The following TMX3 variants were observed in gnomAD, a reference collection of about 807,000 sequenced individuals.
The protein encoded by TMX3 is thioredoxin related transmembrane protein 3, also known as protein disulfide-isomerase TMX3.
A neutral mutation model predicts 64.4 loss-of-function variants in TMX3; 40 were observed. The observed-to-expected ratio is 0.62, with a 90% CI of 0.48 to 0.81. TMX3 has a LOEUF of 0.81. TMX3 is among the 30% of genes least tolerant of loss of function. The pLI, the probability that TMX3 is intolerant of heterozygous loss-of-function variation, is 0.00. For missense variants in TMX3, 497 were observed against 534.5 expected (o/e 0.93, Z 0.69); for synonymous variants, 189 against 175.7 (o/e 1.08, Z -0.60).
At chr18:68,702,240 A>C (rs1030166427) in intron 4 of TMX3, among the ~76,000 whole-genome samples, 10 of 150,296 alleles carry the variant, frequency 6.7e-5, no homozygotes, top group African/African-American at 2.4e-4. Context: ...GTTTTCAAAT[A>C]ACTGCAGTGT....
chr18:68,694,399 C>T (rs1170859588), intron 8 of TMX3, among the ~76,000 whole-genome samples: 1 of 152,230 alleles, frequency 6.6e-6, no homozygotes, highest in African/African-American at 2.4e-5. Context: ...GGTCCAGCCG[C>T]AGCCTCACAT....
chr18:68,701,620 C>G (rs1343215850), intron 5 of TMX3, 125 bp downstream of exon 5: 1 of 1,535,860 alleles, frequency 6.5e-7, no homozygotes, highest in East Asian at 2.5e-5. Context: ...ACATACTTCA[C>G]CTATGAAGAA....
intron 1 of TMX3, chr18:68,714,361 A>C (rs2031666803): frequency 6.4e-6 from 1 of 155,520 alleles, no homozygotes; most frequent in Admixed American, 6.4e-5. Flanking sequence ...ATTACACGGC[A>C]GTGCCTGACA....
At chr18:68,700,971 T>A (rs1318176691) in intron 5 of TMX3, 1 of 985,080 alleles carries the variant, frequency 1.0e-6, no homozygotes, top group Admixed American at 6.2e-5. Flanking sequence ...ACGTACATAA[T>A]TCTTCAAAAG....
chr18:68,687,495 T>TATATC (rs1413021473), intron 10 of TMX3, 172 bp downstream of exon 10: 1 of 985,220 alleles, frequency 1.0e-6, no homozygotes, highest in African/African-American at 1.7e-5. Flanking sequence ...CATGCAAAGG[T>TATATC]ATATCTTCTG....
chr18:68,707,432 C>T (rs1169324954), intron 4 of TMX3, among the ~76,000 whole-genome samples: 1 of 152,110 alleles, frequency 6.6e-6, no homozygotes, highest in Non-Finnish European at 1.5e-5. Context: ...CTATGTTTTT[C>T]CCTAATCATA....
Position 68,697,950 on chromosome 18 carries a change from A to G in TMX3, c.474T>C (p.Gly158=), listed in dbSNP as rs1915267613. ...KRHRVFFVYV[G]GESPLKEKYI... is the part of the protein sequence containing the mutation. ...GTCTTACTTTCAAAGGTGATTCTCCACCTACATAAACGAAAAATACACGGT... is the reference window on the plus strand; with the variant it reads ...GTCTTACTTTCAAAGGTGATTCTCCGCCTACATAAACGAAAAATACACGGT... The change falls in exon 7 of 16, where the codon GGT becomes GGC. Residue 158 remains glycine, a synonymous_variant. Transcript: ENST00000299608. 1 of 1,610,660 alleles carries G rather than the reference A, an allele frequency of 6.2e-7. No homozygotes were observed. Among genetic ancestry groups the G allele is most frequent in the South Asian group, 1.1e-5 (1 of 90,684 alleles).
intron 5 of TMX3, 71 bp from the exon 6 acceptor site, chr18:68,700,556 T>C: frequency 8.6e-7 from 1 of 1,159,912 alleles, no homozygotes; most frequent in Non-Finnish European, 1.2e-6. Context: ...AATCATTATC[T>C]ATTGTTTCAT....
At chr18:68,705,134 T>C (rs184910033) in intron 4 of TMX3, among the ~76,000 whole-genome samples, 16 of 152,068 alleles carry the variant, frequency 1.1e-4, no homozygotes, top group African/African-American at 3.6e-4. Flanking sequence ...TAGGAGGAGA[T>C]TGGGAGAGAA....
rs1004521363 is a variant in TMX3 at position 68,713,975 on chromosome 18, G to T, written c.47-75C>A. 1.1e-5 allele frequency: 12 copies of T among 1,096,102 alleles called. No individual in the cohort carries two copies. The East Asian group carries it at 2.5e-4, about 23-fold the overall frequency. The allele number at this position is 1,096,102 out of a possible 1,614,324, so 67.9% of individuals were successfully genotyped here. ...ATACCGTATAAGCTTAGTCATCTCT[G>T]AAGTGTTTTTGACCTTTCACAACCT... On this transcript the variant is annotated intron_variant, in intron 1 of 15. Coordinates refer to ENST00000299608, the MANE Select transcript of TMX3 (RefSeq NM_019022.5).
chr18:68,711,530 A>G, intron 2 of TMX3, 127 bp from the exon 3 acceptor site: 1 of 553,592 alleles, frequency 1.8e-6, no homozygotes, highest in Non-Finnish European at 3.0e-6. Context: ...AATACTTTAC[A>G]TAAAATTTTT....
chr18:68,697,848 G>C (rs1599324240), intron 7 of TMX3, 84 bp downstream of exon 7: 1 of 829,056 alleles, frequency 1.2e-6, no homozygotes, highest in Non-Finnish European at 1.9e-6. Context: ...AGAGTAATAA[G>C]TTCTGCGTTT....
At chr18:68,693,574 T>C (rs1332236318) in intron 8 of TMX3, among the ~76,000 whole-genome samples, 3 of 152,164 alleles carry the variant, frequency 2.0e-5, no homozygotes, top group Non-Finnish European at 2.9e-5. Flanking sequence ...GTGTGTGTGC[T>C]TGGCGCGGCG....
intron 9 of TMX3, among the ~76,000 whole-genome samples, chr18:68,690,626 G>A (rs541609207): frequency 2.0e-5 from 3 of 152,282 alleles, no homozygotes; most frequent in South Asian, 2.1e-4. Context: ...AAAGAGATGC[G>A]TAATATAAAG....
chr18:68,703,508 G>A (rs541108752), intron 4 of TMX3, among the ~76,000 whole-genome samples: 4 of 151,926 alleles, frequency 2.6e-5, no homozygotes, highest in African/African-American at 4.8e-5. Context: ...TCATTTCCTC[G>A]ACCTCAGTAT....
intron 6 of TMX3, among the ~76,000 whole-genome samples, chr18:68,698,586 G>A (rs1346502791): frequency 6.6e-6 from 1 of 152,046 alleles, no homozygotes; most frequent in Non-Finnish European, 1.5e-5. Context: ...AATAGAAAAT[G>A]ATAGTCATAG....
At chr18:68,710,397 A>G (rs1268164519) in intron 3 of TMX3, among the ~76,000 whole-genome samples, 3 of 152,192 alleles carry the variant, frequency 2.0e-5, no homozygotes, top group Admixed American at 6.5e-5. Context: ...TAAAACAGAT[A>G]TACAATTTAC....
chr18:68,676,888 T>G lies in TMX3; in HGVS notation c.*45A>C. 1 of 1,574,462 alleles carries G rather than the reference T, an allele frequency of 6.4e-7. No individual in the cohort carries two copies. The highest frequency in any genetic ancestry group is 1.2e-5 in the South Asian group (1 of 84,632). On this transcript the variant is annotated 3_prime_UTR_variant, in exon 16 of 16. Coordinates refer to ENST00000299608, the MANE Select transcript of TMX3 (RefSeq NM_019022.5). ...ATGTCTAAATTCAATAAATAGACTC[T>G]TTAATAATTTGAAGTCCTAACAAAT...
At chr18:68,702,429 TATC>T (rs939615246) in intron 4 of TMX3, among the ~76,000 whole-genome samples, 5 of 152,052 alleles carry the variant, frequency 3.3e-5, no homozygotes, top group South Asian at 2.1e-4. Context: ...GTTGCTACAA[TATC>T]ATCTTCTGCA....
Sources: allele counts gnomAD v4.1 joint callset (sites outside exome capture counted in the v4.1 genomes callset), GRCh38; gene constraint gnomAD v4.1.1; transcripts MANE v1.5; gene names NCBI Gene and HGNC (gene_info 2026-07-23, HGNC 2026-07-21).